Variants in RPS6KA5 observed in about 807,000 individuals in gnomAD.
RPS6KA5 encodes ribosomal protein S6 kinase A5, also known as ribosomal protein S6 kinase alpha-5.
In RPS6KA5, 27 loss-of-function variants were observed where a neutral mutation model predicts 85.5. The ratio of observed to expected loss-of-function variants is 0.32; its 90% CI spans 0.23 to 0.44. The LOEUF (loss-of-function observed/expected upper bound fraction) is 0.44. Ranked by LOEUF, RPS6KA5 falls within the 20% of genes least tolerant of loss-of-function variation. The pLI is 1.00. For missense variants in RPS6KA5, 811 were observed against 980.9 expected (o/e 0.83, Z 2.31); for synonymous variants, 334 against 348.2 (o/e 0.96, Z 0.46).
rs2032451606 is a variant in RPS6KA5 at position 90,859,736 on chromosome 14, C to T, written c.*12338G>A. ...GAGAGAGAAAACGGATTGGAAAAAACTATTTGAAGAATGACTGGTTAAGAA... is the reference window on the plus strand; with the variant it reads ...GAGAGAGAAAACGGATTGGAAAAAATTATTTGAAGAATGACTGGTTAAGAA... On this transcript the variant is annotated 3_prime_UTR_variant, in exon 17 of 17. Coordinates refer to ENST00000614987, the MANE Select transcript of RPS6KA5 (RefSeq NM_004755.4). The T allele has an allele frequency of 6.6e-6, 1 of 152,092 alleles. No individual in the cohort carries two copies. Among genetic ancestry groups the T allele is most frequent in the South Asian group, 2.1e-4 (1 of 4,816 alleles). The allele number at this position is 152,092 out of a possible 1,614,324, so 9.4% of individuals were successfully genotyped here. A position where few individuals can be genotyped will look rare whatever the true frequency, so the allele number is the denominator to read the frequency against.
rs1487178474 is a variant in RPS6KA5, at chr14:90,983,841, T to TC, written c.176-5318_176-5317insG. Reference sequence around the variant, plus strand: ...TGTCTCTCTCTCTCTCTCTCTCTCTTTCTTTTTTTCTTTCTTTCTTTCTGA... The same window carrying TC: ...TGTCTCTCTCTCTCTCTCTCTCTCTTCTCTTTTTTTCTTTCTTTCTTTCTGA... On this transcript the variant is annotated intron_variant, in intron 2 of 16. Transcript: ENST00000614987. 1.2e-3 allele frequency among the ~76,000 whole-genome samples: 90 copies of TC among 75,268 alleles called. 1 individual carries two copies. The highest frequency in any genetic ancestry group is 6.0e-3 in the South Asian group (13 of 2,184). The allele number at this position is 75,268 out of a possible 152,430, so 49.4% of individuals were successfully genotyped here. A position where few individuals can be genotyped will look rare whatever the true frequency, so the allele number is the denominator to read the frequency against.
chr14:91,015,572 A>T (rs2041453756), intron 1 of RPS6KA5, among the ~76,000 whole-genome samples: 1 of 152,174 alleles, frequency 6.6e-6, no homozygotes, highest in South Asian at 2.1e-4. Flanking sequence ...CTCCTAAGTC[A>T]TAACCTCATT....
intron 14 of RPS6KA5, among the ~76,000 whole-genome samples, chr14:90,882,796 T>A (rs1193534521): frequency 6.6e-6 from 1 of 151,378 alleles, no homozygotes; most frequent in Non-Finnish European, 1.5e-5. Flanking sequence ...GCTTTTCTCT[T>A]GTTGCTTTCA....
At chr14:90,980,891 G>A (rs1167774707) in intron 2 of RPS6KA5, among the ~76,000 whole-genome samples, 1 of 152,168 alleles carries the variant, frequency 6.6e-6, no homozygotes, top group Admixed American at 6.5e-5. Flanking sequence ...TCCTTATATT[G>A]CCAGGCGTGG....
At chr14:90,916,351 T>C (rs1222935698) in intron 7 of RPS6KA5, among the ~76,000 whole-genome samples, 1 of 152,164 alleles carries the variant, frequency 6.6e-6, no homozygotes, top group African/African-American at 2.4e-5. Context: ...ATTTTGAAAT[T>C]TGATATACTA....
rs558675154 is a variant in RPS6KA5 at position 90,905,463 on chromosome 14, G to A, written c.957+686C>T. 6.6e-4 allele frequency among the ~76,000 whole-genome samples: 101 copies of A among 152,230 alleles called. No homozygotes were observed. In the Middle Eastern group the frequency reaches 0.014, roughly 21 times the overall value. ...AAAGCCGTGGCATCCCCAGTTTGAC[G>A]ACTGAGGCTGGAAATAACTAGCCAA... On this transcript the variant is annotated intron_variant, in intron 8 of 16. Transcript: ENST00000614987.
At chr14:90,901,589 A>G (rs972284591) in intron 9 of RPS6KA5, among the ~76,000 whole-genome samples, 1 of 152,250 alleles carries the variant, frequency 6.6e-6, no homozygotes, top group Non-Finnish European at 1.5e-5. Context: ...CGTTCAAGCT[A>G]GAACATTCAC....
In RPS6KA5 at chr14:90,910,027, C is replaced by T. The variant is rs142666404; in HGVS notation, c.807-3728G>A. 3.0e-3 allele frequency among the ~76,000 whole-genome samples: 463 copies of T among 152,144 alleles called. 1 individual carries two copies. Among genetic ancestry groups the T allele is most frequent in the Middle Eastern group, 0.02 (6 of 294 alleles). Reference sequence around the variant, plus strand: ...CTGACCTCAGGTGATCTGCCTGCCTCGGCCTCCCAAAGTGTTGGAATTACA... The same window carrying T: ...CTGACCTCAGGTGATCTGCCTGCCTTGGCCTCCCAAAGTGTTGGAATTACA... On this transcript the variant is annotated intron_variant, in intron 7 of 16. Coordinates refer to ENST00000614987, the MANE Select transcript of RPS6KA5 (RefSeq NM_004755.4).
At position 90,900,181 on chromosome 14, in the gene RPS6KA5, T is replaced by C; in HGVS notation, c.1306A>G (p.Ser436Gly). The change falls in exon 11 of 17, where the codon AGT becomes GGT. Residue 436 changes from serine to glycine, a missense_variant. By Grantham distance (56) the Ser-to-Gly change is moderately conservative. Transcript: ENST00000614987. ...ACACACTTTCGACAAATTGAAAAAC[T>C]ACCTTCTCCCAGGGGTTTGTCCTTC... ...DLKDKPLGEGSFSICRKCVHK... is the reference protein window; with the variant it reads ...DLKDKPLGEGGFSICRKCVHK... 6.2e-7 allele frequency: 1 copy of C among 1,606,178 alleles called. No homozygotes were observed. The highest frequency in any genetic ancestry group is 8.5e-7 in the Non-Finnish European group (1 of 1,175,522).
chr14:91,026,516 C>A (rs2041996818), intron 1 of RPS6KA5, among the ~76,000 whole-genome samples: 1 of 152,160 alleles, frequency 6.6e-6, no homozygotes, highest in Admixed American at 6.5e-5. Flanking sequence ...AGGCATGAGC[C>A]ACCATGCCCA....
chr14:90,899,850 T>C (rs1264205791), intron 11 of RPS6KA5, among the ~76,000 whole-genome samples: 1 of 152,186 alleles, frequency 6.6e-6, no homozygotes, highest in Non-Finnish European at 1.5e-5. Flanking sequence ...TGATTAAATA[T>C]GTCACTGTCA....
rs34807092 is a variant in RPS6KA5, at chr14:91,056,867, C to CTTTTTTTTTTTTTT, written c.103+3451_103+3464dup. 3.1e-4 allele frequency among the ~76,000 whole-genome samples: 12 copies of CTTTTTTTTTTTTTT among 38,874 alleles called. 2 individuals are homozygous for CTTTTTTTTTTTTTT. Among genetic ancestry groups the CTTTTTTTTTTTTTT allele is most frequent in the Admixed American group, 4.7e-4 (1 of 2,110 alleles). The allele number at this position is 38,874 out of a possible 152,430, so 25.5% of individuals were successfully genotyped here. A position where few individuals can be genotyped will look rare whatever the true frequency, so the allele number is the denominator to read the frequency against. On this transcript the variant is annotated intron_variant, in intron 1 of 16. Coordinates refer to ENST00000614987, the MANE Select transcript of RPS6KA5 (RefSeq NM_004755.4). The stretch of plus-strand genomic sequence containing the variant: ...ACTGTTATACTTAAGGCAGTATTAT[C>CTTTTTTTTTTTTTT]TTTTTTTTTTTTTTTTTTTTTTTTT...
rs893692177 is a variant in RPS6KA5, at chr14:90,861,831, G to C, written c.*10243C>G. On this transcript the variant is annotated 3_prime_UTR_variant, in exon 17 of 17. Coordinates refer to ENST00000614987, the MANE Select transcript of RPS6KA5 (RefSeq NM_004755.4). The stretch of plus-strand genomic sequence containing the variant: ...GAGAATCGCTTGAACCAGGGAATCA[G>C]AGGTTGCAGTGAGCCAAGATCGTGC... 6.7e-6 allele frequency: 1 copy of C among 149,990 alleles called. No individual in the cohort carries two copies. The highest frequency in any genetic ancestry group is 2.5e-5 in the African/African-American group (1 of 40,684). The allele number at this position is 149,990 out of a possible 1,614,324, so 9.3% of individuals were successfully genotyped here.
At position 90,898,330 on chromosome 14, in the gene RPS6KA5, G is replaced by A. The variant is rs759911433; in HGVS notation, c.1473+999C>T. The stretch of plus-strand genomic sequence containing the variant: ...CACACAAGATATGTGATAATAAATG[G>A]CAGCAGCTATTATGGTTATGGTGCT... On this transcript the variant is annotated intron_variant, in intron 12 of 16. Coordinates refer to ENST00000614987, the MANE Select transcript of RPS6KA5 (RefSeq NM_004755.4). 1.2e-3 allele frequency among the ~76,000 whole-genome samples: 185 copies of A among 152,208 alleles called. 1 individual carries two copies. Among genetic ancestry groups the A allele is most frequent in the Non-Finnish European group, 2.0e-3 (137 of 68,012 alleles).
chr14:90,988,261 A>G (rs957718772), intron 2 of RPS6KA5, among the ~76,000 whole-genome samples: 3 of 152,364 alleles, frequency 2.0e-5, no homozygotes, highest in Middle Eastern at 6.8e-3. Context: ...AAGAAATGAC[A>G]TTCACTTATG....
chr14:90,890,849 T>C (rs558752729), intron 13 of RPS6KA5, among the ~76,000 whole-genome samples, 171 bp from the exon 14 acceptor site: 166 of 152,254 alleles, frequency 1.1e-3, no homozygotes, highest in Non-Finnish European at 1.8e-3. Flanking sequence ...TTGATGCTTT[T>C]TGGTATTATT....
chr14:90,969,957 A>G (rs1328166388), intron 3 of RPS6KA5, among the ~76,000 whole-genome samples: 1 of 151,544 alleles, frequency 6.6e-6, no homozygotes, highest in Admixed American at 6.6e-5. Flanking sequence ...ATGAACTCCC[A>G]TACCTCCTGT....
intron 5 of RPS6KA5, among the ~76,000 whole-genome samples, chr14:90,924,759 T>C (rs960734492): frequency 1.3e-5 from 2 of 152,222 alleles, no homozygotes; most frequent in Admixed American, 6.5e-5. Context: ...GGAGGCTTCA[T>C]TGCTCCTTAG....
At chr14:90,982,851 C>T (rs982021987) in intron 2 of RPS6KA5, among the ~76,000 whole-genome samples, 2 of 152,146 alleles carry the variant, frequency 1.3e-5, no homozygotes, top group Non-Finnish European at 2.9e-5. Context: ...CGGTGGTTCA[C>T]GCCTGTAATC....
Sources: gnomAD v4.1 joint callset for allele counts (sites outside exome capture counted in the v4.1 genomes callset) on GRCh38, gnomAD v4.1.1 for gene constraint, MANE v1.5 for transcripts, NCBI Gene and HGNC (gene_info 2026-07-23, HGNC 2026-07-21) for gene names.